Variants in RTL4 observed in about 807,000 individuals in gnomAD.
The protein encoded by RTL4 is retrotransposon Gag-like protein 4.
RTL4 carries 4 observed loss-of-function variants against 5.3 expected under a neutral mutation model. The ratio of observed to expected loss-of-function variants is 0.75; its 90% CI spans 0.37 to 1.72. The LOEUF is 1.72. RTL4 is among the 40% of genes most tolerant of loss of function. The pLI is 0.04. For synonymous variants in RTL4, 98 were observed against 87.3 expected (o/e 1.12, Z -0.68); for missense variants, 260 against 227.1 (o/e 1.14, Z -0.93).
the RTL4 span, among the ~76,000 whole-genome samples, chrX:112,311,162 A>G: frequency 7.3e-5 from 8 of 109,719 alleles, no homozygotes; most frequent in Non-Finnish European, 1.5e-4. Flanking sequence ...TGTGAATGAA[A>G]GATCTGAAAG....
At chrX:112,170,774 C>T in the RTL4 span, among the ~76,000 whole-genome samples, 2 of 111,354 alleles carry the variant, frequency 1.8e-5, no homozygotes, top group Non-Finnish European at 3.8e-5. Flanking sequence ...CCAGGACTTC[C>T]AATACTATGT....
the RTL4 span, among the ~76,000 whole-genome samples, chrX:112,304,845 A>T: frequency 9.3e-6 from 1 of 107,958 alleles, no homozygotes; most frequent in Non-Finnish European, 1.9e-5. Flanking sequence ...CTTTCCTCCC[A>T]TCCCACTCCT....
chrX:112,126,843 C>T, the RTL4 span, among the ~76,000 whole-genome samples: 2 of 111,705 alleles, frequency 1.8e-5, no homozygotes, highest in Non-Finnish European at 3.8e-5. Context: ...ACACAAACTA[C>T]CAATTCTGAC....
the RTL4 span, among the ~76,000 whole-genome samples, chrX:112,415,742 G>A: frequency 0.15 from 16,472 of 110,437 alleles, 1,066 homozygotes; most frequent in East Asian, 0.26. Context: ...GTAACCCTGT[G>A]GGATAACTGG....
chrX:112,315,920 T>G, the RTL4 span, among the ~76,000 whole-genome samples: 1 of 111,959 alleles, frequency 8.9e-6, no homozygotes, highest in South Asian at 3.7e-4. Flanking sequence ...TGTCTACATA[T>G]GGATTCATGT....
chrX:112,373,813 G>A, the RTL4 span, among the ~76,000 whole-genome samples: 2 of 110,169 alleles, frequency 1.8e-5, no homozygotes, highest in African/African-American at 6.6e-5. Context: ...GCCAACAATG[G>A]TCTACTTTCT....
the RTL4 span, among the ~76,000 whole-genome samples, chrX:112,387,068 A>G: frequency 9.0e-6 from 1 of 110,950 alleles, no homozygotes; most frequent in Non-Finnish European, 1.9e-5. Flanking sequence ...GTAAGGTGGT[A>G]TCGCATTGTG....
At chrX:112,095,070 G>C in the RTL4 span, among the ~76,000 whole-genome samples, 1 of 111,011 alleles carries the variant, frequency 9.0e-6, no homozygotes, top group Non-Finnish European at 1.9e-5. Flanking sequence ...GAAGGAAAGA[G>C]AAGATAATAT....
chrX:112,398,173 C>T, the RTL4 span, among the ~76,000 whole-genome samples: 2 of 110,678 alleles, frequency 1.8e-5, no homozygotes, highest in Non-Finnish European at 3.8e-5. Flanking sequence ...TACTAGTTTG[C>T]ATAGAGCTTT....
At chrX:112,312,433 T>G in the RTL4 span, among the ~76,000 whole-genome samples, 1 of 111,872 alleles carries the variant, frequency 8.9e-6, no homozygotes, top group African/African-American at 3.2e-5. Context: ...TTAATGTATT[T>G]TGGAGAAAAT....
chrX:112,217,769 G>A, the RTL4 span, among the ~76,000 whole-genome samples: 2 of 111,776 alleles, frequency 1.8e-5, no homozygotes, highest in Admixed American at 9.6e-5. Context: ...GGCGTAATTC[G>A]AATGGTTGAG....
the RTL4 span, among the ~76,000 whole-genome samples, chrX:112,204,325 C>CA: frequency 2.2e-4 from 24 of 110,965 alleles, no homozygotes; most frequent in African/African-American, 6.2e-4. Context: ...GCTATATACC[C>CA]AAAAAAAAGG....
At chrX:112,321,916 C>A in the RTL4 span, among the ~76,000 whole-genome samples, 150 of 111,761 alleles carry the variant, frequency 1.3e-3, 1 homozygote, top group African/African-American at 4.6e-3. Flanking sequence ...TTCTCATGTA[C>A]CCCATACATT....
the RTL4 span, among the ~76,000 whole-genome samples, chrX:112,141,057 T>C: frequency 1.8e-5 from 2 of 112,216 alleles, no homozygotes; most frequent in Non-Finnish European, 3.8e-5. Context: ...AGAAATGCAG[T>C]ATGTGTTTCC....
chrX:112,347,276 G>C, the RTL4 span, among the ~76,000 whole-genome samples: 2 of 111,261 alleles, frequency 1.8e-5, no homozygotes, highest in Admixed American at 9.6e-5. Flanking sequence ...CATCATCAAG[G>C]CATATGCTAA....
chrX:112,342,075 T>G, the RTL4 span, among the ~76,000 whole-genome samples: 1 of 111,205 alleles, frequency 9.0e-6, no homozygotes, highest in African/African-American at 3.3e-5. Flanking sequence ...CTGTGGTTAG[T>G]CTGTAGAGAA....
chrX:112,368,663 G>A, the RTL4 span, among the ~76,000 whole-genome samples: 1 of 110,662 alleles, frequency 9.0e-6, no homozygotes, highest in Non-Finnish European at 1.9e-5. Flanking sequence ...GAATTATTTG[G>A]CACCAAATGT....
chrX:112,255,371 G>A, the RTL4 span, among the ~76,000 whole-genome samples: 3 of 111,859 alleles, frequency 2.7e-5, no homozygotes, highest in East Asian at 2.8e-4. Context: ...AAGATACAAC[G>A]TATGGAGACC....
chrX:112,140,401 G>A, the RTL4 span, among the ~76,000 whole-genome samples: 6 of 112,042 alleles, frequency 5.4e-5, no homozygotes, highest in Admixed American at 5.7e-4. Context: ...AGCTAGAAAT[G>A]TATATGTCTT....
Sources: gnomAD v4.1 joint callset for allele counts (sites outside exome capture counted in the v4.1 genomes callset) on GRCh38, gnomAD v4.1.1 for gene constraint, MANE v1.5 for transcripts, NCBI Gene and HGNC (gene_info 2026-07-23, HGNC 2026-07-21) for gene names.